Variants in USP19 observed in about 807,000 individuals in gnomAD.
The protein encoded by USP19 is ubiquitin specific peptidase 19.
Under a neutral mutation model 144.8 loss-of-function variants are expected in USP19, and 40 were observed. That is an observed-to-expected ratio of 0.28 (90% confidence interval 0.21 to 0.36). The LOEUF is 0.36. Among genes scored for constraint, USP19 ranks in the 10% least tolerant of loss-of-function variants. The pLI, the probability that USP19 is intolerant of heterozygous loss-of-function variation, is 1.00. For missense variants in USP19, 1,518 were observed against 1,822.5 expected, an observed-to-expected ratio of 0.83 and a Z score of 3.04; for synonymous variants, 701 against 709.3, an observed-to-expected ratio of 0.99 and a Z score of 0.19.
chr3:49,114,620 A>G lies in USP19; in HGVS notation c.2292+143T>C. 2.3e-6 allele frequency: 2 copies of G among 879,944 alleles called. No homozygotes were observed. The highest frequency in any genetic ancestry group is 1.7e-5 in the South Asian group (1 of 58,256). The allele number at this position is 879,944 out of a possible 1,614,324, so 54.5% of individuals were successfully genotyped here. A position where few individuals can be genotyped will look rare whatever the true frequency, so the allele number is the denominator to read the frequency against. ...TACCCTGAGTGGGCTCTTCAGCCCA[A>G]ATAGAATCCTAAGGCCTCCCTGCCA... is the stretch of plus-strand genomic sequence containing the variant. On this transcript the variant is annotated intron_variant, in intron 15 of 26. Coordinates refer to ENST00000417901, the MANE Select transcript of USP19 (RefSeq NM_001199161.2). This position sits in a 1 kb window ranked among gnomAD's most constrained non-coding sequence, Gnocchi z 4.5.
chr3:49,118,292 G>A (rs980119087), intron 2 of USP19, among the ~76,000 whole-genome samples, 172 bp from the exon 3 acceptor site: 4 of 151,084 alleles, frequency 2.6e-5, no homozygotes, highest in Non-Finnish European at 5.9e-5. Flanking sequence ...AAAGGGACAG[G>A]CACGGTGGTT....
chr3:49,109,291 C>T, intron 26 of USP19: 2 of 1,339,220 alleles, frequency 1.5e-6, no homozygotes, highest in African/African-American at 1.5e-5. Flanking sequence ...GGGGCTAACA[C>T]CCTGCATTCT....
At position 49,115,468 on chromosome 3, in the gene USP19, G is replaced by A; in HGVS notation, c.1864C>T (p.Arg622Trp). Reference protein sequence around the residue: ...NSVIQSLSNTRELRDFFHDRS... With the variant: ...NSVIQSLSNTWELRDFFHDRS... Reference sequence around the variant, plus strand: ...CCATGGAAGAAGTCCCGGAGTTCCCGAGTGTTGGACAGAGACTGAATGACG... The same window carrying A: ...CCATGGAAGAAGTCCCGGAGTTCCCAAGTGTTGGACAGAGACTGAATGACG... Residue 622 changes from arginine (R) to tryptophan (W), a missense_variant, in exon 12 of 27, where the codon CGG becomes TGG. Transcript: ENST00000417901. This position sits in a 1 kb window ranked among gnomAD's most constrained non-coding sequence, Gnocchi z 6.6. 1.9e-6 allele frequency: 3 copies of A among 1,614,106 alleles called. No individual in the cohort carries two copies. Among genetic ancestry groups the A allele is most frequent in the African/African-American group, 1.3e-5 (1 of 75,044 alleles).
chr3:49,115,384 GGT>G lies in USP19; in HGVS notation c.1889-25_1889-24del. ...GGTCTAGGAATAGTAGCCGAGCAAA[GGT>G]GTGAGGAACAAAGGCACTCTCTCTG... On this transcript the variant is annotated intron_variant, in intron 12 of 26. Coordinates refer to ENST00000417901, the MANE Select transcript of USP19 (RefSeq NM_001199161.2). The surrounding 1 kb of genome is among the most constrained non-coding windows in gnomAD (Gnocchi z 6.6). 1.2e-6 allele frequency: 2 copies of G among 1,614,204 alleles called. No individual in the cohort carries two copies. Among genetic ancestry groups the G allele is most frequent in the Non-Finnish European group, 1.7e-6 (2 of 1,180,028 alleles).
Position 49,110,931 on chromosome 3 carries a change from C to T in USP19, c.3545+19G>A. ...CTTCTCCATCCTGCCCCCTTATCTA[C>T]TTGCTGCTCTGTTCTCACCAGGCCT... On this transcript the variant is annotated intron_variant, in intron 23 of 26. Coordinates refer to ENST00000417901, the MANE Select transcript of USP19 (RefSeq NM_001199161.2). The surrounding 1 kb of genome is among the most constrained non-coding windows in gnomAD (Gnocchi z 6.1). The T allele has an allele frequency of 6.2e-7, 1 of 1,613,930 alleles. No individual in the cohort carries two copies.
Position 49,108,422 on chromosome 3 carries a change from T to C in USP19, c.4145A>G (p.Glu1382Gly). 7.2e-7 allele frequency: 1 copy of C among 1,391,138 alleles called. No homozygotes were observed. The highest frequency in any genetic ancestry group is 1.5e-5 in the South Asian group (1 of 65,838). The allele number at this position is 1,391,138 out of a possible 1,614,324, so 86.2% of individuals were successfully genotyped here. The change falls in exon 27 of 27, where the codon GAG (glutamate) becomes GGG (glycine). Residue 1382 changes from glutamate to glycine, a missense_variant. Coordinates refer to ENST00000417901, the MANE Select transcript of USP19 (RefSeq NM_001199161.2). This position sits in a 1 kb window ranked among gnomAD's most constrained non-coding sequence, Gnocchi z 4.8. Reference sequence around the variant, plus strand: ...TCAGCCAGGGACCTGCTAATCCACCTCCTCCATGTTGCTGTAGGTGGGGGC... The same window carrying C: ...TCAGCCAGGGACCTGCTAATCCACCCCCTCCATGTTGCTGTAGGTGGGGGC... ...RPAPTYSNME[E>G]VD
intron 2 of USP19, 66 bp from the exon 3 acceptor site, chr3:49,118,186 G>A: frequency 1.6e-6 from 1 of 645,140 alleles, no homozygotes; most frequent in Non-Finnish European, 2.6e-6. Flanking sequence ...GACTGCTTGA[G>A]CCCAGGACTT....
intron 26 of USP19, among the ~76,000 whole-genome samples, chr3:49,109,827 T>C (rs2042870355): frequency 6.6e-6 from 1 of 152,106 alleles, no homozygotes; most frequent in Admixed American, 6.5e-5. Flanking sequence ...ACATCACAAG[T>C]GAGGGTGTGT....
Position 49,108,645 on chromosome 3 carries a change from G to A in USP19, c.4039-117C>T. On this transcript the variant is annotated intron_variant, in intron 26 of 26. Transcript: ENST00000417901. This position sits in a 1 kb window ranked among gnomAD's most constrained non-coding sequence, Gnocchi z 4.8. ...GAGGGTCCCAAGGCAGGCGCAGACA[G>A]CAGCGGCGTTGAGACAGAGAGACGA... The A allele has an allele frequency of 7.9e-7, 1 of 1,267,438 alleles. No homozygotes were observed. Among genetic ancestry groups the A allele is most frequent in the East Asian group, 3.3e-5 (1 of 29,990 alleles). 78.5% of individuals were successfully genotyped at this position (1,267,438 alleles called of 1,614,324 possible). A position where few individuals can be genotyped will look rare whatever the true frequency, so the allele number is the denominator to read the frequency against.
rs766264565 is a variant in USP19, at chr3:49,114,964, C to T, written c.2176G>A (p.Asp726Asn). 6 of 1,614,022 alleles carry T rather than the reference C, an allele frequency of 3.7e-6. No homozygotes were observed. Among genetic ancestry groups the T allele is most frequent in the African/African-American group, 1.3e-5 (1 of 74,886 alleles). Residue 726 changes from aspartate to asparagine, a missense_variant, in exon 14 of 27, where the codon GAT becomes AAT. Transcript: ENST00000417901. This position sits in a 1 kb window ranked among gnomAD's most constrained non-coding sequence, Gnocchi z 4.5. ...TETVDSDGRP[D>N]EVVAEEAWQR... ...CCTCTGTCCCTAACCCTGACCTCATCGGGCCGCCCATCTGAATCCACGGTC... is the reference window on the plus strand; with the variant it reads ...CCTCTGTCCCTAACCCTGACCTCATTGGGCCGCCCATCTGAATCCACGGTC...
chr3:49,119,851 G>A (rs966570477), intron 1 of USP19, among the ~76,000 whole-genome samples: 1 of 152,100 alleles, frequency 6.6e-6, no homozygotes, highest in African/African-American at 2.4e-5. Flanking sequence ...CCTATGTACT[G>A]CTTGGTCCTT....
chr3:49,114,156 T>G lies in USP19; in HGVS notation c.2403+18A>C. 6.2e-7 allele frequency: 1 copy of G among 1,613,916 alleles called. No homozygotes were observed. The highest frequency in any genetic ancestry group is 1.1e-5 in the South Asian group (1 of 91,066). ...ACGTTCTCTAGAACAGCCCAGAGGG[T>G]AGGGGCTTACTCCTCACCTTGATGG... On this transcript the variant is annotated intron_variant, in intron 16 of 26. Transcript: ENST00000417901. The surrounding 1 kb of genome is among the most constrained non-coding windows in gnomAD (Gnocchi z 4.5).
rs2043752908 is a variant in USP19, at chr3:49,114,483, C to T, written c.2293-199G>A. 6.6e-6 allele frequency among the ~76,000 whole-genome samples: 1 copy of T among 152,206 alleles called. No individual in the cohort carries two copies. The highest frequency in any genetic ancestry group is 2.1e-4 in the South Asian group (1 of 4,830). On this transcript the variant is annotated intron_variant, in intron 15 of 26. Coordinates refer to ENST00000417901, the MANE Select transcript of USP19 (RefSeq NM_001199161.2). This position sits in a 1 kb window ranked among gnomAD's most constrained non-coding sequence, Gnocchi z 4.5. ...ATCCTTCTTTCTGGCACTCAAAGCC[C>T]TACTCAGCTTAGCCACTTTACGAAT...
chr3:49,119,187 C>T lies in USP19; in HGVS notation c.-42G>A. The T allele has an allele frequency of 6.3e-7, 1 of 1,596,198 alleles. No homozygotes were observed. Among genetic ancestry groups the T allele is most frequent in the Non-Finnish European group, 8.5e-7 (1 of 1,172,456 alleles). On this transcript the variant is annotated 5_prime_UTR_variant, in exon 2 of 27. Coordinates refer to ENST00000417901, the MANE Select transcript of USP19 (RefSeq NM_001199161.2). ...GACAGCCAGAGTGCCCCGGGGTCGG[C>T]AACAGCGTCTGGGTCAGGGCTGCGG... is the stretch of plus-strand genomic sequence containing the variant.
At position 49,114,102 on chromosome 3, in the gene USP19, A is replaced by C. The variant is rs201949515; in HGVS notation, c.2404-9T>G. The C allele has an allele frequency of 6.2e-6, 10 of 1,614,192 alleles. No homozygotes were observed. The highest frequency in any genetic ancestry group is 8.5e-6 in the Non-Finnish European group (10 of 1,180,030). ...CTGACGCTCACCAGGAACTGTGGCA[A>C]AAAGGGCAGTCAGTGAGGGAGGTGG... is the stretch of plus-strand genomic sequence containing the variant. On this transcript the variant is annotated splice_polypyrimidine_tract_variant and intron_variant, in intron 16 of 26. Coordinates refer to ENST00000417901, the MANE Select transcript of USP19 (RefSeq NM_001199161.2). The surrounding 1 kb of genome is among the most constrained non-coding windows in gnomAD (Gnocchi z 4.5).
chr3:49,110,483 G>A lies in USP19; in HGVS notation c.3820C>T (p.Arg1274Cys), dbSNP rs1475169958. The change falls in exon 25 of 27, where the codon CGC (arginine) becomes TGC (cysteine). Residue 1274 changes from arginine to cysteine, a missense_variant. Arg to Cys is a radical substitution (Grantham distance 180). Transcript: ENST00000417901. This position sits in a 1 kb window ranked among gnomAD's most constrained non-coding sequence, Gnocchi z 6.1. ...TGACTGCTACGATCATTGGGCAGGCGTGCACAGGCAGTGTAGTGGCCACCA... is the reference window on the plus strand; with the variant it reads ...TGACTGCTACGATCATTGGGCAGGCATGCACAGGCAGTGTAGTGGCCACCA... ...MIGGHYTACA[R>C]LPNDRSSQRS... The A allele has an allele frequency of 9.9e-6, 16 of 1,614,020 alleles. No individual in the cohort carries two copies. The highest frequency in any genetic ancestry group is 2.2e-5 in the South Asian group (2 of 91,086).
chr3:49,114,678 T>G lies in USP19; in HGVS notation c.2292+85A>C, dbSNP rs890100616. ...TGCCCAAACCTTGCCCTGTAGCACC[T>G]TAAGATGCACATGCCTCTGAACCTA... On this transcript the variant is annotated intron_variant, in intron 15 of 26. Coordinates refer to ENST00000417901, the MANE Select transcript of USP19 (RefSeq NM_001199161.2). The surrounding 1 kb of genome is among the most constrained non-coding windows in gnomAD (Gnocchi z 4.5). The G allele has an allele frequency of 6.8e-7, 1 of 1,461,002 alleles. No homozygotes were observed. Among genetic ancestry groups the G allele is most frequent in the Non-Finnish European group, 9.5e-7 (1 of 1,053,460 alleles). 90.5% of individuals were successfully genotyped at this position (1,461,002 alleles called of 1,614,324 possible). A position where few individuals can be genotyped will look rare whatever the true frequency, so the allele number is the denominator to read the frequency against.
Position 49,110,680 on chromosome 3 carries a change from C to A in USP19, c.3698+31G>T. 6.2e-7 allele frequency: 1 copy of A among 1,612,162 alleles called. No individual in the cohort carries two copies. The highest frequency in any genetic ancestry group is 1.1e-5 in the South Asian group (1 of 90,960). The stretch of plus-strand genomic sequence containing the variant: ...GGATGCCCATCCTGGTCCTCACACC[C>A]CACCCACAGTTACCAAGGTCCACTG... On this transcript the variant is annotated intron_variant, in intron 24 of 26. Transcript: ENST00000417901. This position sits in a 1 kb window ranked among gnomAD's most constrained non-coding sequence, Gnocchi z 6.1.
Position 49,117,481 on chromosome 3 carries a change from TCAGGTG to T in USP19, c.556_561del (p.His186_Leu187del). Reference sequence around the variant, plus strand: ...AGCATAGGCACCTTTTTGGGCAGTGTCAGGTGCAGGAGACTGCCCTTGCGGGTTTGC... The same window carrying T: ...AGCATAGGCACCTTTTTGGGCAGTGTCAGGAGACTGCCCTTGCGGGTTTGC... On this transcript the variant is annotated inframe_deletion, in exon 5 of 27. Coordinates refer to ENST00000417901, the MANE Select transcript of USP19 (RefSeq NM_001199161.2). The surrounding 1 kb of genome is among the most constrained non-coding windows in gnomAD (Gnocchi z 4.4). 6.2e-7 allele frequency: 1 copy of T among 1,614,134 alleles called. No individual in the cohort carries two copies. The highest frequency in any genetic ancestry group is 8.5e-7 in the Non-Finnish European group (1 of 1,180,034).
Sources: gnomAD v4.1 joint callset for allele counts (sites outside exome capture counted in the v4.1 genomes callset) on GRCh38, gnomAD v4.1.1 for gene constraint, Gnocchi (gnomAD v3.1) non-coding constraint, MANE v1.5 for transcripts, NCBI Gene and HGNC (gene_info 2026-07-23, HGNC 2026-07-21) for gene names.